Variants in CATSPERT observed in about 807,000 individuals in gnomAD.
CATSPERT encodes cation channel sperm-associated targeting subunit tau.
chr2:201,591,150 T>C, the CATSPERT span, among the ~76,000 whole-genome samples: 3 of 152,178 alleles, frequency 2.0e-5, no homozygotes, highest in African/African-American at 7.2e-5. Context: ...CCATCTTGAA[T>C]TGATTTTTGT....
chr2:201,502,075 C>G, the CATSPERT span, among the ~76,000 whole-genome samples: 1 of 152,196 alleles, frequency 6.6e-6, no homozygotes, highest in Admixed American at 6.5e-5. Flanking sequence ...ACTATGTTCC[C>G]TCCAGTTCCA....
chr2:201,528,639 C>G, the CATSPERT span, among the ~76,000 whole-genome samples: 1 of 152,014 alleles, frequency 6.6e-6, no homozygotes, highest in African/African-American at 2.4e-5. Flanking sequence ...GACCATTATC[C>G]TAAGGGAATT....
the CATSPERT span, among the ~76,000 whole-genome samples, chr2:201,601,315 TGG>T: frequency 0.14 from 18,131 of 131,296 alleles, 1,400 homozygotes; most frequent in East Asian, 0.2. Flanking sequence ...TGTGTGTGTG[TGG>T]GTTGTAATAA....
At chr2:201,534,074 A>G in the CATSPERT span, among the ~76,000 whole-genome samples, 3 of 152,094 alleles carry the variant, frequency 2.0e-5, no homozygotes, top group South Asian at 2.1e-4. Context: ...CTATCTATCT[A>G]TCTATCTATC....
the CATSPERT span, among the ~76,000 whole-genome samples, chr2:201,581,548 G>A: frequency 0.079 from 752 of 9,544 alleles, 65 homozygotes; most frequent in Non-Finnish European, 0.083. Flanking sequence ...AAAAATGTGT[G>A]TATATATATA....
At chr2:201,497,792 C>T in the CATSPERT span, among the ~76,000 whole-genome samples, 2 of 152,224 alleles carry the variant, frequency 1.3e-5, no homozygotes, top group East Asian at 1.9e-4. Flanking sequence ...AAACCAATAC[C>T]GGAGCTTCAA....
At chr2:201,499,164 A>T in the CATSPERT span, among the ~76,000 whole-genome samples, 4 of 152,198 alleles carry the variant, frequency 2.6e-5, no homozygotes, top group Non-Finnish European at 4.4e-5. Flanking sequence ...TATGAGAAAA[A>T]TTGATACATG....
At chr2:201,535,563 T>C in the CATSPERT span, 1 of 1,000,980 alleles carries the variant, frequency 1.0e-6, no homozygotes, top group Non-Finnish European at 1.2e-6. Context: ...TTCCTTTGAA[T>C]TTACATTTTG....
the CATSPERT span, among the ~76,000 whole-genome samples, chr2:201,506,107 A>G: frequency 6.6e-6 from 1 of 152,154 alleles, no homozygotes; most frequent in Non-Finnish European, 1.5e-5. Flanking sequence ...CTCTACTAAA[A>G]ATACAAAAAA....
chr2:201,494,583 A>G, the CATSPERT span: 1 of 1,537,226 alleles, frequency 6.5e-7, no homozygotes. Flanking sequence ...TTGTATTAGC[A>G]GGTCCTGCAG....
the CATSPERT span, among the ~76,000 whole-genome samples, chr2:201,519,492 T>G: frequency 1.3e-5 from 2 of 152,112 alleles, no homozygotes; most frequent in African/African-American, 4.8e-5. Flanking sequence ...ACACGATAAT[T>G]ATCTAGTAAC....
the CATSPERT span, among the ~76,000 whole-genome samples, chr2:201,532,633 T>A: frequency 6.6e-6 from 1 of 151,542 alleles, no homozygotes; most frequent in Non-Finnish European, 1.5e-5. Flanking sequence ...GAGAAAAAAA[T>A]AAAATACAAG....
the CATSPERT span, among the ~76,000 whole-genome samples, chr2:201,495,086 G>C: frequency 6.6e-6 from 1 of 151,672 alleles, no homozygotes; most frequent in Admixed American, 6.6e-5. Flanking sequence ...CATTTCCTTA[G>C]ACAATGGCTA....
At chr2:201,487,652 AT>A in the CATSPERT span, 6 of 1,612,578 alleles carry the variant, frequency 3.7e-6, no homozygotes, top group Admixed American at 8.4e-5. Flanking sequence ...CATTTTATGC[AT>A]TTCATAATCT....
chr2:201,494,709 G>A, the CATSPERT span: 2 of 1,528,682 alleles, frequency 1.3e-6, no homozygotes, highest in South Asian at 2.4e-5. Context: ...CTGACATTTT[G>A]TTTATATTCC....
At chr2:201,562,965 T>C in the CATSPERT span, among the ~76,000 whole-genome samples, 10 of 150,744 alleles carry the variant, frequency 6.6e-5, no homozygotes, top group Non-Finnish European at 1.2e-4. Flanking sequence ...TTTCCCCACC[T>C]TTCCCCCCTT....
At chr2:201,597,535 A>G in the CATSPERT span, among the ~76,000 whole-genome samples, 1 of 151,726 alleles carries the variant, frequency 6.6e-6, no homozygotes, top group Non-Finnish European at 1.5e-5. Flanking sequence ...ACGCACCAAG[A>G]CCGCCATTCT....
At chr2:201,548,308 T>C in the CATSPERT span, among the ~76,000 whole-genome samples, 5 of 152,182 alleles carry the variant, frequency 3.3e-5, no homozygotes, top group African/African-American at 9.7e-5. Context: ...TGCAGATGGC[T>C]TTCTTATATC....
At chr2:201,546,666 C>T in the CATSPERT span, among the ~76,000 whole-genome samples, 1 of 152,100 alleles carries the variant, frequency 6.6e-6, no homozygotes, top group Non-Finnish European at 1.5e-5. Context: ...ATCTTTCATA[C>T]ATTGCTGGTT....
Sources: gnomAD v4.1 joint callset for allele counts (sites outside exome capture counted in the v4.1 genomes callset) on GRCh38, gnomAD v4.1.1 for gene constraint, MANE v1.5 for transcripts, NCBI Gene and HGNC (gene_info 2026-07-23, HGNC 2026-07-21) for gene names.